The following CTNNBL1 variants were observed in gnomAD, a reference collection of about 807,000 sequenced individuals.
The protein encoded by CTNNBL1 is catenin beta like 1, also known as beta-catenin-like protein 1.
CTNNBL1 carries 31 observed loss-of-function variants against 72.7 expected under a neutral mutation model. The ratio of observed to expected loss-of-function variants is 0.43; its 90% CI spans 0.32 to 0.58. The LOEUF is 0.58. Ranked by LOEUF, CTNNBL1 falls within the 20% of genes least tolerant of loss-of-function variation. The pLI is 0.08. For synonymous variants in CTNNBL1, 240 were observed against 267.3 expected, an observed-to-expected ratio of 0.90 and a Z score of 1.00; for missense variants, 534 against 725.1, an observed-to-expected ratio of 0.74 and a Z score of 3.03.
At chr20:37,795,936 G>A (rs886140813) in intron 10 of CTNNBL1, among the ~76,000 whole-genome samples, 6 of 141,868 alleles carry the variant, frequency 4.2e-5, no homozygotes, top group African/African-American at 1.6e-4. Context: ...GGGTATTTCT[G>A]TAAATGTTCT....
chr20:37,744,881 G>C (rs1320049338), intron 3 of CTNNBL1, among the ~76,000 whole-genome samples: 1 of 152,078 alleles, frequency 6.6e-6, no homozygotes, highest in African/African-American at 2.4e-5. Context: ...AAACATACAT[G>C]GTATTGAAGC....
chr20:37,701,629 A>G (rs1159430215), intron 1 of CTNNBL1, among the ~76,000 whole-genome samples: 3 of 152,174 alleles, frequency 2.0e-5, no homozygotes, highest in African/African-American at 7.2e-5. Flanking sequence ...ATGAATGGGT[A>G]GGGATTCTGT....
chr20:37,828,107 C>T (rs939201671), intron 11 of CTNNBL1, among the ~76,000 whole-genome samples: 3 of 152,158 alleles, frequency 2.0e-5, no homozygotes, highest in South Asian at 2.1e-4. Flanking sequence ...TAACTTACCA[C>T]GGTGGTTTGT....
intron 1 of CTNNBL1, among the ~76,000 whole-genome samples, chr20:37,699,340 G>C (rs2072820275): frequency 6.6e-6 from 1 of 152,212 alleles, no homozygotes; most frequent in Non-Finnish European, 1.5e-5. Context: ...GCCAGATGCA[G>C]AACCAAAGTG....
intron 1 of CTNNBL1, among the ~76,000 whole-genome samples, chr20:37,715,457 G>A (rs1352519005): frequency 2.0e-5 from 3 of 152,206 alleles, no homozygotes; most frequent in Non-Finnish European, 4.4e-5. Flanking sequence ...TAATCGTTTG[G>A]TGAGGAAGCT....
chr20:37,772,126 A>C (rs943419471), intron 7 of CTNNBL1, among the ~76,000 whole-genome samples: 2 of 152,156 alleles, frequency 1.3e-5, no homozygotes, highest in Admixed American at 1.3e-4. Context: ...GAATATTCTT[A>C]TGTGTGCTGA....
intron 7 of CTNNBL1, among the ~76,000 whole-genome samples, chr20:37,768,396 GA>G (rs1324602724): frequency 2.6e-5 from 4 of 152,174 alleles, no homozygotes; most frequent in Non-Finnish European, 4.4e-5. Context: ...GTATATGAGA[GA>G]GTGTGTGTTT....
At chr20:37,728,588 C>G (rs1203125109) in intron 1 of CTNNBL1, among the ~76,000 whole-genome samples, 1 of 152,152 alleles carries the variant, frequency 6.6e-6, no homozygotes, top group Admixed American at 6.5e-5. Flanking sequence ...CAAAACTTCC[C>G]TATTTGCAGT....
chr20:37,750,101 G>C (rs1016967680), intron 4 of CTNNBL1: 1 of 152,228 alleles, frequency 6.6e-6, no homozygotes, highest in Non-Finnish European at 1.5e-5. Flanking sequence ...AGCCTGGTTT[G>C]TTGTAACCTT....
At chr20:37,788,046 A>G (rs1307184609) in intron 10 of CTNNBL1, among the ~76,000 whole-genome samples, 4 of 151,962 alleles carry the variant, frequency 2.6e-5, no homozygotes, top group African/African-American at 4.8e-5. Flanking sequence ...TGTTATTATT[A>G]TTATTTTGAT....
At chr20:37,738,801 A>T (rs924110040) in intron 3 of CTNNBL1, among the ~76,000 whole-genome samples, 1 of 152,230 alleles carries the variant, frequency 6.6e-6, no homozygotes, top group African/African-American at 2.4e-5. Context: ...GGCGGAAAAG[A>T]ACACAGGAAG....
chr20:37,748,373 G>C (rs1279162180), intron 4 of CTNNBL1, among the ~76,000 whole-genome samples: 3 of 152,118 alleles, frequency 2.0e-5, no homozygotes, highest in Non-Finnish European at 4.4e-5. Context: ...TGTTCACCAG[G>C]GTTTGCTGTG....
At chr20:37,809,411 C>T (rs910448245) in intron 11 of CTNNBL1, among the ~76,000 whole-genome samples, 12 of 152,138 alleles carry the variant, frequency 7.9e-5, no homozygotes, top group African/African-American at 2.9e-4. Flanking sequence ...AGAGTCTTTA[C>T]ACATCCAATC....
chr20:37,779,789 G>A (rs1282287638), intron 10 of CTNNBL1, among the ~76,000 whole-genome samples: 1 of 152,078 alleles, frequency 6.6e-6, no homozygotes, highest in Non-Finnish European at 1.5e-5. Context: ...TACATGTGCT[G>A]TATGCCTAGC....
At chr20:37,791,772 C>G (rs2073728261) in intron 10 of CTNNBL1, among the ~76,000 whole-genome samples, 1 of 152,080 alleles carries the variant, frequency 6.6e-6, no homozygotes, top group Non-Finnish European at 1.5e-5. Context: ...AGTTGTGCAC[C>G]CCTTATGAGA....
chr20:37,824,333 C>T (rs531511012), intron 11 of CTNNBL1, among the ~76,000 whole-genome samples: 5 of 152,304 alleles, frequency 3.3e-5, no homozygotes, highest in East Asian at 3.9e-4. Context: ...GACAGTGAGG[C>T]GAAAAGAAGG....
intron 10 of CTNNBL1, among the ~76,000 whole-genome samples, chr20:37,789,810 A>G (rs1156337271): frequency 6.6e-6 from 1 of 152,222 alleles, no homozygotes; most frequent in Non-Finnish European, 1.5e-5. Flanking sequence ...TGGGAGACAA[A>G]AGAATTATAT....
At chr20:37,761,156 G>A (rs1421099574) in intron 5 of CTNNBL1, among the ~76,000 whole-genome samples, 1 of 152,194 alleles carries the variant, frequency 6.6e-6, no homozygotes, top group East Asian at 1.9e-4. Context: ...CTCTGAAAGG[G>A]GGCTTTAATA....
At chr20:37,783,629 C>T (rs910004319) in intron 10 of CTNNBL1, among the ~76,000 whole-genome samples, 1 of 152,100 alleles carries the variant, frequency 6.6e-6, no homozygotes, top group Non-Finnish European at 1.5e-5. Flanking sequence ...ACTGGTTATT[C>T]AAGAGCATAT....
Sources: allele counts gnomAD v4.1 joint callset (sites outside exome capture counted in the v4.1 genomes callset), GRCh38; gene constraint gnomAD v4.1.1; transcripts MANE v1.5; gene names NCBI Gene and HGNC (gene_info 2026-07-23, HGNC 2026-07-21).